The following CCSER1 variants were observed in gnomAD, a reference collection of about 807,000 sequenced individuals.
CCSER1 encodes serine-rich coiled-coil domain-containing protein 1.
Under a neutral mutation model 82.0 loss-of-function variants are expected in CCSER1, and 41 were observed. That is an observed-to-expected ratio of 0.50 (90% CI 0.39 to 0.65). CCSER1 has a LOEUF of 0.65. Ranked by LOEUF, CCSER1 falls within the 30% of genes least tolerant of loss-of-function variation. The pLI, the probability that CCSER1 is intolerant of heterozygous loss-of-function variation, is 0.00. For synonymous variants in CCSER1, 414 were observed against 383.9 expected (o/e 1.08, Z -0.92); for missense variants, 1,119 against 1,064.2 (o/e 1.05, Z -0.72).
intron 5 of CCSER1, among the ~76,000 whole-genome samples, chr4:90,479,404 G>C (rs1765566918): frequency 6.6e-6 from 1 of 151,938 alleles, no homozygotes; most frequent in Non-Finnish European, 1.5e-5. Context: ...TATACTTTAA[G>C]TTTTAGGGTA....
chr4:90,640,644 A>C (rs1173955583), intron 6 of CCSER1, among the ~76,000 whole-genome samples: 1 of 152,116 alleles, frequency 6.6e-6, no homozygotes, highest in Non-Finnish European at 1.5e-5. Flanking sequence ...CAAGGGAGAG[A>C]CCATGTGGAG....
intron 5 of CCSER1, among the ~76,000 whole-genome samples, chr4:90,589,462 G>A (rs968872368): frequency 6.6e-6 from 1 of 151,844 alleles, no homozygotes; most frequent in African/African-American, 2.4e-5. Context: ...TGAAAACTTG[G>A]ATTTTTATGA....
In CCSER1 at chr4:90,628,166, A is replaced by G. The variant is rs369064746; in HGVS notation, c.1866A>G (p.Arg622=). ...GAGGCATAGATTCTCTGCCATTCAG[A>G]CTGATGTTACAGGACTGCACGGCAG... The part of the protein sequence containing the change: ...ENGGIDSLPF[R]LMLQDCTAVK... Residue 622 remains arginine (R), a synonymous_variant, in exon 6 of 11, where the codon AGA becomes AGG. Transcript: ENST00000509176. The G allele has an allele frequency of 7.4e-6, 12 of 1,613,898 alleles. No homozygotes were observed. Among genetic ancestry groups the G allele is most frequent in the African/African-American group, 6.7e-5 (5 of 75,038 alleles).
intron 8 of CCSER1, among the ~76,000 whole-genome samples, chr4:90,836,405 C>A (rs1025743398): frequency 2.0e-5 from 3 of 152,080 alleles, no homozygotes; most frequent in Non-Finnish European, 4.4e-5. Flanking sequence ...GCTTCTTTGA[C>A]TCACAAGCTT....
At chr4:91,146,774 G>A (rs879666726) in intron 10 of CCSER1, among the ~76,000 whole-genome samples, 5 of 152,122 alleles carry the variant, frequency 3.3e-5, no homozygotes, top group Admixed American at 1.3e-4. Context: ...GGTGTTGTAG[G>A]TGAAGGAATT....
chr4:90,413,854 CAGG>C (rs1322130435), intron 4 of CCSER1, among the ~76,000 whole-genome samples: 1 of 141,756 alleles, frequency 7.1e-6, no homozygotes, highest in East Asian at 2.2e-4. Flanking sequence ...GAGGCTGAGG[CAGG>C]AGAATGGCGT....
chr4:90,630,784 A>G (rs1724223437), intron 6 of CCSER1, among the ~76,000 whole-genome samples: 1 of 151,544 alleles, frequency 6.6e-6, no homozygotes, highest in Non-Finnish European at 1.5e-5. Context: ...ATTCATTTAG[A>G]TTAACAATAT....
At chr4:90,518,244 C>A (rs1419769096) in intron 5 of CCSER1, among the ~76,000 whole-genome samples, 1 of 152,076 alleles carries the variant, frequency 6.6e-6, no homozygotes, top group African/African-American at 2.4e-5. Context: ...AGCTTAATTT[C>A]AGCCCTGATC....
chr4:91,077,734 G>A (rs1040309609), intron 9 of CCSER1, among the ~76,000 whole-genome samples: 1 of 152,124 alleles, frequency 6.6e-6, no homozygotes, highest in Non-Finnish European at 1.5e-5. Flanking sequence ...GAAAATTGGG[G>A]CACTCCCACC....
intron 1 of CCSER1, among the ~76,000 whole-genome samples, chr4:90,140,900 C>T (rs905703282): frequency 2.6e-4 from 40 of 151,694 alleles, no homozygotes; most frequent in African/African-American, 1.5e-4. Context: ...CTCCTGACCT[C>T]GTGATCTGCC....
chr4:90,271,760 A>G (rs542165506), intron 1 of CCSER1, among the ~76,000 whole-genome samples: 1 of 145,104 alleles, frequency 6.9e-6, no homozygotes, highest in East Asian at 2.0e-4. Context: ...GGAATTAATA[A>G]CCAGATTATA....
intron 8 of CCSER1, among the ~76,000 whole-genome samples, chr4:90,823,165 T>C (rs1206293879): frequency 6.6e-6 from 1 of 152,128 alleles, no homozygotes; most frequent in Non-Finnish European, 1.5e-5. Flanking sequence ...AAGAAGATTT[T>C]TTTGTGGGTC....
chr4:90,671,515 C>A (rs1376361246), intron 6 of CCSER1, among the ~76,000 whole-genome samples: 1 of 152,056 alleles, frequency 6.6e-6, no homozygotes, highest in Admixed American at 6.6e-5. Context: ...CATGATATTA[C>A]AGAAATTCAG....
At chr4:90,901,429 G>A (rs1157092221) in intron 8 of CCSER1, among the ~76,000 whole-genome samples, 1 of 151,868 alleles carries the variant, frequency 6.6e-6, no homozygotes, top group South Asian at 2.1e-4. Flanking sequence ...AGCAAGTATT[G>A]TCCTTTCATT....
chr4:90,251,023 G>A (rs1178284009), intron 1 of CCSER1, among the ~76,000 whole-genome samples: 1 of 151,766 alleles, frequency 6.6e-6, no homozygotes, highest in Non-Finnish European at 1.5e-5. Flanking sequence ...TGATTTTGGT[G>A]TATTCATCTT....
intron 3 of CCSER1, among the ~76,000 whole-genome samples, chr4:90,399,622 T>A (rs1752523484): frequency 6.6e-6 from 1 of 152,138 alleles, no homozygotes; most frequent in Non-Finnish European, 1.5e-5. Flanking sequence ...GTGTATATAC[T>A]TTTTATGTGT....
chr4:91,577,003 A>G (rs1763482251), intron 10 of CCSER1, among the ~76,000 whole-genome samples: 2 of 151,512 alleles, frequency 1.3e-5, no homozygotes, highest in Non-Finnish European at 2.9e-5. Flanking sequence ...TTTCAATTAT[A>G]TACTACAGTA....
At chr4:90,551,688 C>CTCTCTCTT (rs1289487944) in intron 5 of CCSER1, among the ~76,000 whole-genome samples, 11 of 112,550 alleles carry the variant, frequency 9.8e-5, no homozygotes, top group Admixed American at 2.8e-4. Flanking sequence ...TTCTCTCTCT[C>CTCTCTCTT]TCTCTCTCTC....
At chr4:91,288,130 GTA>G (rs1035892920) in intron 10 of CCSER1, among the ~76,000 whole-genome samples, 6 of 64,464 alleles carry the variant, frequency 9.3e-5, no homozygotes, top group African/African-American at 2.1e-4. Flanking sequence ...ACACACTCAT[GTA>G]TATATATATA....
Sources: allele counts gnomAD v4.1 joint callset (sites outside exome capture counted in the v4.1 genomes callset), GRCh38; gene constraint gnomAD v4.1.1; transcripts MANE v1.5; gene names NCBI Gene and HGNC (gene_info 2026-07-23, HGNC 2026-07-21).